Variants in NOTCH3 observed in about 807,000 individuals in gnomAD.
NOTCH3 encodes neurogenic locus notch homolog protein 3.
NOTCH3 carries 86 observed loss-of-function variants against 213.3 expected under a neutral mutation model. The ratio of observed to expected loss-of-function variants is 0.40; its 90% confidence interval spans 0.34 to 0.48. The LOEUF (loss-of-function observed/expected upper bound fraction) is 0.48, where lower values mean the gene tolerates loss of function less well. Among genes scored for constraint, NOTCH3 ranks in the 20% least tolerant of loss-of-function variants. NOTCH3 has a pLI of 0.57. For missense variants in NOTCH3, 2,783 were observed against 3,272.6 expected, an observed-to-expected ratio of 0.85 and a Z score of 3.65; for synonymous variants, 1,354 against 1,355.9, an observed-to-expected ratio of 1.00 and a Z score of 0.03.
intron 1 of NOTCH3, among the ~76,000 whole-genome samples, chr19:15,200,014 T>C (rs1055257554): frequency 1.1e-4 from 16 of 149,716 alleles, no homozygotes; most frequent in Non-Finnish European, 1.6e-4. Flanking sequence ...GGCGCGGCCA[T>C]TGTCCCGAGC....
At position 15,200,819 on chromosome 19, in the gene NOTCH3, C is replaced by T; in HGVS notation, c.87G>A (p.Leu29=). Reference sequence around the variant, plus strand: ...CCCCCGGCCCCGCTAGCAGCAGCAGCAGGGGCAGCGCCCGCACGGGTGGCG... The same window carrying T: ...CCCCCGGCCCCGCTAGCAGCAGCAGTAGGGGCAGCGCCCGCACGGGTGGCG... ...PPPPPVRALP[L]LLLLAGPGAA... Residue 29 remains leucine, a synonymous_variant, in exon 1 of 33, where the codon CTG becomes CTA. Coordinates refer to ENST00000263388, the MANE Select transcript of NOTCH3 (RefSeq NM_000435.3). The T allele has an allele frequency of 4.8e-6, 6 of 1,238,798 alleles. No individual in the cohort carries two copies. The highest frequency in any genetic ancestry group is 3.2e-5 in the East Asian group (1 of 31,392). 76.7% of individuals were successfully genotyped at this position (1,238,798 alleles called of 1,614,324 possible).
intron 23 of NOTCH3, chr19:15,178,296 G>A: frequency 1.9e-6 from 1 of 534,660 alleles, no homozygotes; most frequent in Non-Finnish European, 3.3e-6. Flanking sequence ...ACCCCACCTG[G>A]CAGATAAGCC....
In NOTCH3 at chr19:15,160,424, TC is replaced by T; in HGVS notation, c.*237del. 2 of 570,918 alleles carry T rather than the reference TC, an allele frequency of 3.5e-6. No homozygotes were observed. The highest frequency in any genetic ancestry group is 6.2e-6 in the Non-Finnish European group (2 of 320,360). The allele number at this position is 570,918 out of a possible 1,614,324, so 35.4% of individuals were successfully genotyped here. On this transcript the variant is annotated 3_prime_UTR_variant, in exon 33 of 33. Coordinates refer to ENST00000263388, the MANE Select transcript of NOTCH3 (RefSeq NM_000435.3). Reference sequence around the variant, plus strand: ...AAGAGAGAAGTGGGGAAGAAGGAGGTCCCAGACTCTTCACAAGACTGAGAGG... The same window carrying T: ...AAGAGAGAAGTGGGGAAGAAGGAGGTCCAGACTCTTCACAAGACTGAGAGG...
rs2145419209 is a variant in NOTCH3, at chr19:15,179,507, G to A, written c.3328-11C>T. On this transcript the variant is annotated splice_polypyrimidine_tract_variant and intron_variant, in intron 20 of 32. Coordinates refer to ENST00000263388, the MANE Select transcript of NOTCH3 (RefSeq NM_000435.3). Reference sequence around the variant, plus strand: ...GTAGCCAGGAAGACACTTCAGTGGGGTAAGAGAGGGACCCACTCAGCTTAG... The same window carrying A: ...GTAGCCAGGAAGACACTTCAGTGGGATAAGAGAGGGACCCACTCAGCTTAG... 2 of 1,613,600 alleles carry A rather than the reference G, an allele frequency of 1.2e-6. No homozygotes were observed. Among genetic ancestry groups the A allele is most frequent in the Non-Finnish European group, 1.7e-6 (2 of 1,179,962 alleles).
Position 15,185,219 on chromosome 19 carries a change from G to T in NOTCH3, c.2296+38C>A, listed in dbSNP as rs1437877373. 1 of 1,609,860 alleles carries T rather than the reference G, an allele frequency of 6.2e-7. No individual in the cohort carries two copies. The highest frequency in any genetic ancestry group is 2.2e-5 in the East Asian group (1 of 44,822). The stretch of plus-strand genomic sequence containing the variant: ...GAGAAGAGAGATGAGAAGGCCCATG[G>T]TGTTGGTGGGGCTGCAGAGGGAAGG... On this transcript the variant is annotated intron_variant, in intron 14 of 32. Transcript: ENST00000263388. This position sits in a 1 kb window ranked among gnomAD's most constrained non-coding sequence, Gnocchi z 4.2.
chr19:15,180,657 G>A lies in NOTCH3; in HGVS notation c.3142+24C>T, dbSNP rs1179804682. 1 of 1,544,694 alleles carries A rather than the reference G, an allele frequency of 6.5e-7. No individual in the cohort carries two copies. The highest frequency in any genetic ancestry group is 8.7e-7 in the Non-Finnish European group (1 of 1,147,562). ...TGAGCCCCTTCCCAAGGCCCCACAC[G>A]CCCGCCCACATGCTCCCACTCACCG... On this transcript the variant is annotated intron_variant, in intron 19 of 32. Transcript: ENST00000263388.
rs1262734577 is a variant in NOTCH3 at position 15,197,520 on chromosome 19, G to A, written c.177C>T (p.Pro59=). Residue 59 remains proline (P), a synonymous_variant, in exon 2 of 33, where the codon CCC becomes CCT. Coordinates refer to ENST00000263388, the MANE Select transcript of NOTCH3 (RefSeq NM_000435.3). ...CANGGRCTQL[P]SREAACLCPP... ...CTCACAGGCAGGCAGCCTCCCGGGA[G>A]GGCAGCTGGGTGCAACGACCTCCAT... 1.2e-6 allele frequency: 2 copies of A among 1,610,098 alleles called. No individual in the cohort carries two copies. Among genetic ancestry groups the A allele is most frequent in the Admixed American group, 1.7e-5 (1 of 59,872 alleles).
At position 15,161,082 on chromosome 19, in the gene NOTCH3, G is replaced by T. The variant is rs765248853; in HGVS notation, c.6546C>A (p.Gly2182=). The change falls in exon 33 of 33, where the codon GGC becomes GGA. Residue 2182 remains glycine (G), a synonymous_variant. Coordinates refer to ENST00000263388, the MANE Select transcript of NOTCH3 (RefSeq NM_000435.3). ...WARLPPPAPP[G]PSFLLPLAPG... ...GCGCCAGTGGCAGCAGGAACGAGGG[G>T]CCTGGAGGGGCAGGTGGGGGCAGCC... 6 of 1,542,172 alleles carry T rather than the reference G, an allele frequency of 3.9e-6. No individual in the cohort carries two copies. Among genetic ancestry groups the T allele is most frequent in the Non-Finnish European group, 5.2e-6 (6 of 1,149,750 alleles).
rs2046805011 is a variant in NOTCH3, at chr19:15,177,863, G to A, written c.4065C>T (p.Leu1355=). 1.8e-5 allele frequency: 22 copies of A among 1,223,356 alleles called. No homozygotes were observed. Among genetic ancestry groups the A allele is most frequent in the Non-Finnish European group, 2.2e-5 (22 of 984,076 alleles). The allele number at this position is 1,223,356 out of a possible 1,614,324, so 75.8% of individuals were successfully genotyped here. Residue 1355 remains leucine, a synonymous_variant, in exon 24 of 33, where the codon CTC becomes CTT. Coordinates refer to ENST00000263388, the MANE Select transcript of NOTCH3 (RefSeq NM_000435.3). The part of the protein sequence containing the change: ...LHGGSCRPAP[L]APFFRCACAQ... The stretch of plus-strand genomic sequence containing the variant: ...CGCAAGCGCAGCGGAAGAAGGGCGC[G>A]AGCGGCGCGGGGCGGCAGGAGCCCC...
intron 1 of NOTCH3, 34 bp downstream of exon 1, chr19:15,200,754 C>T: frequency 7.9e-7 from 1 of 1,265,494 alleles, no homozygotes; most frequent in East Asian, 3.1e-5. Flanking sequence ...CCCTCTGCCG[C>T]CCTCGTCCCA....
In NOTCH3 at chr19:15,170,696, G is replaced by T. The variant is rs761606559; in HGVS notation, c.4866C>A (p.Phe1622Leu). The T allele has an allele frequency of 6.3e-7, 1 of 1,591,236 alleles. No individual in the cohort carries two copies. Among genetic ancestry groups the T allele is most frequent in the Non-Finnish European group, 8.5e-7 (1 of 1,169,836 alleles). Reference protein sequence around the residue: ...GALSAVERLDFPYPLRDVRGE... With the variant: ...GALSAVERLDLPYPLRDVRGE... ...CCCGCACGTCCCGCAGTGGGTACGG[G>T]AAGTCCAGGCGCTCCACCGCTGACA... Residue 1622 changes from phenylalanine to leucine, a missense_variant, in exon 26 of 33, where the codon TTC becomes TTA. Transcript: ENST00000263388.
At chr19:15,168,816 AGAGT>A (rs571100609) in intron 28 of NOTCH3, among the ~76,000 whole-genome samples, 196 of 152,302 alleles carry the variant, frequency 1.3e-3, no homozygotes, top group African/African-American at 4.5e-3. Flanking sequence ...CTTGGGCAAC[AGAGT>A]GAGACCTGGT....
intron 25 of NOTCH3, among the ~76,000 whole-genome samples, chr19:15,173,724 CAAAAAAAAAA>C: frequency 7.6e-6 from 1 of 131,342 alleles, no homozygotes; most frequent in South Asian, 2.4e-4. Context: ...GACTCCGTCT[CAAAAAAAAAA>C]AAAAAAAGAA....
intron 27 of NOTCH3, 39 bp from the exon 28 acceptor site, chr19:15,170,209 T>C (rs2046720025): frequency 2.0e-6 from 3 of 1,500,114 alleles, no homozygotes; most frequent in Non-Finnish European, 2.8e-6. Flanking sequence ...AGGGGGACAC[T>C]AGAGGTGTCC....
chr19:15,161,355 G>C lies in NOTCH3; in HGVS notation c.6273C>G (p.Pro2091=), dbSNP rs2145382254. The C allele has an allele frequency of 1.3e-6, 2 of 1,525,692 alleles. No individual in the cohort carries two copies. Among genetic ancestry groups the C allele is most frequent in the Non-Finnish European group, 1.8e-6 (2 of 1,138,134 alleles). 94.5% of individuals were successfully genotyped at this position (1,525,692 alleles called of 1,614,324 possible). The part of the protein sequence containing the change: ...GKKLTLACPG[P]LADSSVTLSP... ...ACAGCGTGACCGAGCTGTCAGCCAG[G>C]GGGCCCGGGCAGGCCAGCGTCAGCT... Residue 2091 remains proline, a synonymous_variant, in exon 33 of 33, where the codon CCC becomes CCG. Transcript: ENST00000263388.
At position 15,191,672 on chromosome 19, in the gene NOTCH3, T is replaced by C. The variant is rs748611868; in HGVS notation, c.803-15A>G. On this transcript the variant is annotated splice_polypyrimidine_tract_variant and intron_variant, in intron 5 of 32. Transcript: ENST00000263388. ...GCAGAACTGGCCTGTGGCACACAGA[T>C]GCAGCAGTCCAGCCACCTGGCGCAT... is the stretch of plus-strand genomic sequence containing the variant. 1.2e-6 allele frequency: 2 copies of C among 1,613,536 alleles called. No individual in the cohort carries two copies. Among genetic ancestry groups the C allele is most frequent in the Non-Finnish European group, 1.7e-6 (2 of 1,179,978 alleles).
chr19:15,191,495 A>C lies in NOTCH3; in HGVS notation c.965T>G (p.Val322Gly). The C allele has an allele frequency of 6.2e-7, 1 of 1,613,250 alleles. No individual in the cohort carries two copies. The highest frequency in any genetic ancestry group is 1.1e-5 in the South Asian group (1 of 91,080). The change falls in exon 6 of 33, where the codon GTG becomes GGG. Residue 322 changes from valine to glycine, a missense_variant. Physicochemically the swap from Val to Gly is moderately radical, Grantham distance 109. This residue lies in a region of NOTCH3 where 708 missense variants were observed against 906.6 expected (regional missense o/e 0.78). Coordinates refer to ENST00000263388, the MANE Select transcript of NOTCH3 (RefSeq NM_000435.3). ...ATGGCAGGTGGCCCCATGGAAGCAC[A>C]CGGCTGTGGCACAGTCATCGATATT... ...SQNIDDCATA[V>G]CFHGATCHDR...
At position 15,185,529 on chromosome 19, in the gene NOTCH3, T is replaced by C. The variant is rs759503514; in HGVS notation, c.2102A>G (p.His701Arg). 3.1e-6 allele frequency: 5 copies of C among 1,613,142 alleles called. No individual in the cohort carries two copies. Among genetic ancestry groups the C allele is most frequent in the Non-Finnish European group, 4.2e-6 (5 of 1,179,824 alleles). ...GCAGATGCCGTGACTGCAGGGCTCATGGGCACAGGGATGGCTCGGGGGGAG... is the reference window on the plus strand; with the variant it reads ...GCAGATGCCGTGACTGCAGGGCTCACGGGCACAGGGATGGCTCGGGGGGAG... ...LCLPPSHPCA[H>R]EPCSHGICYD... is the part of the protein sequence containing the mutation. Residue 701 changes from histidine to arginine, a missense_variant, in exon 13 of 33, where the codon CAT becomes CGT. By Grantham distance (29) the His-to-Arg change is conservative (BLOSUM62 0). Coordinates refer to ENST00000263388, the MANE Select transcript of NOTCH3 (RefSeq NM_000435.3). The surrounding 1 kb of genome is among the most constrained non-coding windows in gnomAD (Gnocchi z 4.2).
At chr19:15,176,762 TAAAAAAAA>T (rs61399527) in intron 24 of NOTCH3, among the ~76,000 whole-genome samples, 1,700 of 55,628 alleles carry the variant, frequency 0.031, 35 homozygotes, top group Middle Eastern at 0.05. Flanking sequence ...GACCCTGTCT[TAAAAAAAA>T]AAAAAAAAAA....
Sources: allele counts gnomAD v4.1 joint callset (sites outside exome capture counted in the v4.1 genomes callset), GRCh38; gene constraint gnomAD v4.1.1; regional missense constraint gnomAD v4.1.1; non-coding constraint Gnocchi (gnomAD v3.1); transcripts MANE v1.5; gene names NCBI Gene and HGNC (gene_info 2026-07-23, HGNC 2026-07-21).